Variants in SNRNP70 observed in about 807,000 individuals in gnomAD.
SNRNP70 encodes the protein U1 small nuclear ribonucleoprotein 70 kDa.
Under a neutral mutation model 50.5 loss-of-function variants are expected in SNRNP70, and 8 were observed. The observed-to-expected ratio is 0.16, with a 90% CI of 0.09 to 0.29. The LOEUF (loss-of-function observed/expected upper bound fraction) is 0.29. Ranked by LOEUF, SNRNP70 falls within the 10% of genes least tolerant of loss-of-function variation. The pLI is 1.00. For missense variants in SNRNP70, 529 were observed against 663.5 expected (o/e 0.80, Z 2.23); for synonymous variants, 320 against 252.9 (o/e 1.27, Z -2.52).
At chr19:49,085,727 G>T in intron 1 of SNRNP70, 91 bp downstream of exon 1, 3 of 440,628 alleles carry the variant, frequency 6.8e-6, no homozygotes, top group Non-Finnish European at 1.4e-5. Context: ...CCGCGGCCAG[G>T]CCCCTTTCCC....
Position 49,108,188 on chromosome 19 carries a change from G to T in SNRNP70, c.1059G>T (p.Glu353Asp). Residue 353 changes from glutamate to aspartate, a missense_variant, in exon 10 of 10, where the codon GAG becomes GAT. Coordinates refer to ENST00000598441, the MANE Select transcript of SNRNP70 (RefSeq NM_003089.6). Reference protein sequence around the residue: ...PEEKGRDRDRERRRSHRSERE... With the variant: ...PEEKGRDRDRDRRRSHRSERE... ...AAAAGGGCCGGGATCGTGACCGGGA[G>T]CGACGGCGGAGCCACCGGAGCGAGC... The T allele has an allele frequency of 6.5e-7, 1 of 1,536,008 alleles. No homozygotes were observed. The highest frequency in any genetic ancestry group is 1.4e-5 in the African/African-American group (1 of 72,786).
chr19:49,091,461 G>C (rs2040446335), intron 4 of SNRNP70, among the ~76,000 whole-genome samples: 1 of 152,156 alleles, frequency 6.6e-6, no homozygotes, highest in Non-Finnish European at 1.5e-5. Flanking sequence ...TATTGTGTTA[G>C]GATTGCTGTA....
At chr19:49,097,369 A>G (rs2040526104) in intron 4 of SNRNP70, among the ~76,000 whole-genome samples, 1 of 152,100 alleles carries the variant, frequency 6.6e-6, no homozygotes, top group African/African-American at 2.4e-5. Flanking sequence ...AGTGTCCAGC[A>G]CTGTGTCTGG....
Position 49,107,771 on chromosome 19 carries a change from C to T in SNRNP70, c.666-24C>T. 1 of 1,611,704 alleles carries T rather than the reference C, an allele frequency of 6.2e-7. No individual in the cohort carries two copies. The highest frequency in any genetic ancestry group is 8.5e-7 in the Non-Finnish European group (1 of 1,179,352). ...GGCGGTCACGGGGGGAGCCCAGCCACACAGGTCTGCCCACCTCATCCAGGC... is the reference window on the plus strand; with the variant it reads ...GGCGGTCACGGGGGGAGCCCAGCCATACAGGTCTGCCCACCTCATCCAGGC... On this transcript the variant is annotated intron_variant, in intron 9 of 9. Transcript: ENST00000598441. The surrounding 1 kb of genome is among the most constrained non-coding windows in gnomAD (Gnocchi z 6.0).
rs563613931 is a variant in SNRNP70, at chr19:49,100,982, G to A, written c.394-408G>A. On this transcript the variant is annotated intron_variant, in intron 6 of 9. Transcript: ENST00000598441. ...ACACTTCTCGGCCTGGCATTGGGGC[G>A]CTTGATGACCCCGGGCCTGCCCACC... Among the ~76,000 whole-genome samples the A allele has an allele frequency of 4.0e-3, 603 of 152,210 alleles. 4 individuals carry two copies. The highest frequency in any genetic ancestry group is 0.014 in the African/African-American group (568 of 41,532).
intron 4 of SNRNP70, among the ~76,000 whole-genome samples, chr19:49,096,185 G>T (rs1418510144): frequency 2.0e-5 from 3 of 151,886 alleles, no homozygotes; most frequent in Non-Finnish European, 4.4e-5. Context: ...AGCCTCCCGA[G>T]TAGCTGGGAC....
At chr19:49,085,781 C>T (rs1198722944) in intron 1 of SNRNP70, 145 bp downstream of exon 1, 6 of 387,340 alleles carry the variant, frequency 1.5e-5, no homozygotes, top group African/African-American at 1.3e-4. Flanking sequence ...TCCCGGACCC[C>T]GAAATCTCTG....
rs1032369936 is a variant in SNRNP70 at position 49,104,559 on chromosome 19, G to A, written c.476-75G>A. 2 of 1,138,524 alleles carry A rather than the reference G, an allele frequency of 1.8e-6. No homozygotes were observed. The highest frequency in any genetic ancestry group is 2.6e-6 in the Non-Finnish European group (2 of 774,440). The allele number at this position is 1,138,524 out of a possible 1,614,324, so 70.5% of individuals were successfully genotyped here. A position where few individuals can be genotyped will look rare whatever the true frequency, so the allele number is the denominator to read the frequency against. On this transcript the variant is annotated intron_variant, in intron 7 of 9. Coordinates refer to ENST00000598441, the MANE Select transcript of SNRNP70 (RefSeq NM_003089.6). This position sits in a 1 kb window ranked among gnomAD's most constrained non-coding sequence, Gnocchi z 5.4. ...GATGGGGACACGGGGCGGGGATTCT[G>A]TAGAGCTGGGCCTGTCCTGACTAGA...
rs1456898602 is a variant in SNRNP70 at position 49,090,319 on chromosome 19, G to A, written c.176G>A (p.Arg59His). ...EDPRDAPPPT[R>H]AETREERMER... ...CCTCGAGATGCCCCTCCTCCAACTC[G>A]TGCTGAAACCCGAGAGGAGCGCATG... The change falls in exon 3 of 10, where the codon CGT becomes CAT. Residue 59 changes from arginine to histidine, a missense_variant. Transcript: ENST00000598441. 2 of 1,613,678 alleles carry A rather than the reference G, an allele frequency of 1.2e-6. No individual in the cohort carries two copies. The highest frequency in any genetic ancestry group is 1.7e-6 in the Non-Finnish European group (2 of 1,179,950).
intron 6 of SNRNP70, among the ~76,000 whole-genome samples, chr19:49,099,627 T>C (rs1403362222): frequency 2.7e-5 from 4 of 150,426 alleles, no homozygotes; most frequent in South Asian, 2.1e-4. Flanking sequence ...TAATCCCAGC[T>C]ACTGAGGAGG....
In SNRNP70 at chr19:49,088,289, G is replaced by A. The variant is rs11672803; in HGVS notation, c.147+1728G>A. On this transcript the variant is annotated intron_variant, in intron 2 of 9. Coordinates refer to ENST00000598441, the MANE Select transcript of SNRNP70 (RefSeq NM_003089.6). ...GTGATCTCGGCTCACTGCAAGCTCC[G>A]CCTCCCGGGTTCATGCCATTCTCCT... Among the ~76,000 whole-genome samples, 401 of 119,250 alleles carry A rather than the reference G, an allele frequency of 3.4e-3. 1 individual carries two copies. The highest frequency in any genetic ancestry group is 4.6e-3 in the Non-Finnish European group (274 of 59,652). 78.2% of individuals were successfully genotyped at this position (119,250 alleles called of 152,430 possible).
intron 4 of SNRNP70, among the ~76,000 whole-genome samples, chr19:49,097,523 C>T (rs781587149): frequency 1.3e-5 from 2 of 152,136 alleles, no homozygotes; most frequent in Admixed American, 6.5e-5. Context: ...AAATTGCAAC[C>T]TCTGGCATAA....
intron 7 of SNRNP70, chr19:49,102,456 G>A (rs1004195879): frequency 2.9e-5 from 8 of 274,846 alleles, no homozygotes; most frequent in African/African-American, 1.3e-4. Context: ...CTGATGACCC[G>A]GCTTCGTGAT....
rs2040688001 is a variant in SNRNP70, at chr19:49,107,515, C to T, written c.578-110C>T. The T allele has an allele frequency of 6.7e-6, 7 of 1,041,570 alleles. 1 individual carries two copies. The South Asian group carries it at 6.8e-5, about 10-fold the overall frequency. The allele number at this position is 1,041,570 out of a possible 1,614,324, so 64.5% of individuals were successfully genotyped here. On this transcript the variant is annotated intron_variant, in intron 8 of 9. Transcript: ENST00000598441. This position sits in a 1 kb window ranked among gnomAD's most constrained non-coding sequence, Gnocchi z 6.0. ...ACGGGGGGACCCGGCCCTGTGAACA[C>T]TAAGCCAGGGGCTGCCTTCCTGCCC...
rs887945015 is a variant in SNRNP70, at chr19:49,092,285, T to C, written c.265+1765T>C. ...CACCACGCCCAGCTAATTTTTGTATTTTTAGTAGAGGCGGGGTTTCAGCAT... is the reference window on the plus strand; with the variant it reads ...CACCACGCCCAGCTAATTTTTGTATCTTTAGTAGAGGCGGGGTTTCAGCAT... On this transcript the variant is annotated intron_variant, in intron 4 of 9. Coordinates refer to ENST00000598441, the MANE Select transcript of SNRNP70 (RefSeq NM_003089.6). Among the ~76,000 whole-genome samples the C allele has an allele frequency of 2.0e-5, 3 of 151,186 alleles. No individual in the cohort carries two copies. The East Asian group carries it at 5.8e-4, about 29-fold the overall frequency.
rs571885493 is a variant in SNRNP70 at position 49,104,957 on chromosome 19, C to T, written c.577+222C>T. On this transcript the variant is annotated intron_variant, in intron 8 of 9. Transcript: ENST00000598441. The surrounding 1 kb of genome is among the most constrained non-coding windows in gnomAD (Gnocchi z 5.4). ...AGCAGGGGCACCAGCCTGGAGAGGCCTGAGCCCACATGCTGGCGTCCGCCC... is the reference window on the plus strand; with the variant it reads ...AGCAGGGGCACCAGCCTGGAGAGGCTTGAGCCCACATGCTGGCGTCCGCCC... Among the ~76,000 whole-genome samples the T allele has an allele frequency of 2.6e-4, 40 of 152,322 alleles. No homozygotes were observed. Among genetic ancestry groups the T allele is most frequent in the Non-Finnish European group, 4.4e-4 (30 of 68,036 alleles).
intron 2 of SNRNP70, among the ~76,000 whole-genome samples, chr19:49,089,981 T>C (rs2122313117): frequency 6.6e-6 from 1 of 152,118 alleles, no homozygotes; most frequent in African/African-American, 2.4e-5. Flanking sequence ...GGCTAATTTT[T>C]AAATTTTTTG....
intron 2 of SNRNP70, among the ~76,000 whole-genome samples, chr19:49,089,928 G>A (rs958010980): frequency 2.6e-5 from 4 of 151,990 alleles, no homozygotes; most frequent in African/African-American, 9.7e-5. Context: ...CTCCCAAAGT[G>A]CTGGGATTAC....
At chr19:49,095,711 A>G (rs2040504441) in intron 4 of SNRNP70, among the ~76,000 whole-genome samples, 1 of 151,880 alleles carries the variant, frequency 6.6e-6, no homozygotes, top group Admixed American at 6.6e-5. Flanking sequence ...TTTAGTAGGG[A>G]TGAGGTTTCG....
Sources: gnomAD v4.1 joint callset for allele counts (sites outside exome capture counted in the v4.1 genomes callset) on GRCh38, gnomAD v4.1.1 for gene constraint, Gnocchi (gnomAD v3.1) non-coding constraint, MANE v1.5 for transcripts, NCBI Gene and HGNC (gene_info 2026-07-23, HGNC 2026-07-21) for gene names.